CLSPN: variants seen among roughly 807,000 people sequenced by gnomAD.
CLSPN encodes the protein claspin, also known as claspin homolog.
A neutral mutation model predicts 156.3 loss-of-function variants in CLSPN; 85 were observed. That is an observed-to-expected ratio of 0.54 (90% CI 0.46 to 0.65). CLSPN has a LOEUF of 0.65. Ranked by LOEUF, CLSPN falls within the 30% of genes least tolerant of loss-of-function variation. The probability of loss-of-function intolerance (pLI) is 0.00; values close to 1 mark genes in which losing one functional copy is unlikely to be tolerated. For synonymous variants in CLSPN, 534 were observed against 542.4 expected, an observed-to-expected ratio of 0.98 and a Z score of 0.22; for missense variants, 1,407 against 1,554.9, an observed-to-expected ratio of 0.90 and a Z score of 1.60.
chr1:35,763,791 G>T (rs1015806777), intron 3 of CLSPN, among the ~76,000 whole-genome samples: 87 of 140,342 alleles, frequency 6.2e-4, no homozygotes, highest in Non-Finnish European at 1.2e-3. Flanking sequence ...TGTTTTTTTG[G>T]TTTTTGTTTT....
Position 35,764,595 on chromosome 1 carries a change from C to T in CLSPN, c.253G>A (p.Glu85Lys), listed in dbSNP as rs139161179. 2.2e-4 allele frequency: 351 copies of T among 1,613,870 alleles called. No individual in the cohort carries two copies. The highest frequency in any genetic ancestry group is 1.5e-3 in the African/African-American group (111 of 75,030). ...SPEKTTYDSA[E>K]EENKENLYAG... ...TATAAATTCTCTTTATTTTCCTCCT[C>T]GGCACTGTCATAGGTAGTTTTCTCT... Residue 85 changes from glutamate to lysine, a missense_variant, in exon 3 of 25, where the codon GAG becomes AAG. This residue lies in a region of CLSPN where 1,096 missense variants were observed against 1,193.0 expected (regional missense o/e 0.92). Transcript: ENST00000318121.
chr1:35,741,326 C>A (rs56315630), intron 18 of CLSPN, among the ~76,000 whole-genome samples: 14,731 of 151,730 alleles, frequency 0.097, 1,120 homozygotes, highest in African/African-American at 0.22. Context: ...TCTTTTTTTG[C>A]GGGGGTCGGG....
chr1:35,769,948 G>T lies in CLSPN; in HGVS notation c.-78C>A. On this transcript the variant is annotated 5_prime_UTR_variant, in exon 1 of 25. Transcript: ENST00000318121. ...CAGCCGGAGAGCAGCGGCTCCCGCC[G>T]TCTCCAGCCCAGCAGTGCTGTTCTT... The T allele has an allele frequency of 1.3e-6, 2 of 1,553,848 alleles. No individual in the cohort carries two copies. The highest frequency in any genetic ancestry group is 8.8e-7 in the Non-Finnish European group (1 of 1,135,944).
In CLSPN at chr1:35,762,456, C is replaced by T. The variant is rs747941241; in HGVS notation, c.770G>A (p.Gly257Glu). 6.2e-7 allele frequency: 1 copy of T among 1,613,844 alleles called. No individual in the cohort carries two copies. Among genetic ancestry groups the T allele is most frequent in the East Asian group, 2.2e-5 (1 of 44,850 alleles). The change falls in exon 5 of 25, where the codon GGG (glycine) becomes GAG (glutamate). Residue 257 changes from glycine (G) to glutamate (E), a missense_variant. By Grantham distance (98) the Gly-to-Glu change is moderately conservative. Coordinates refer to ENST00000318121, the MANE Select transcript of CLSPN (RefSeq NM_022111.4). ...HKKKEPSLESGVHSFEEGSEL... is the reference protein window; with the variant it reads ...HKKKEPSLESEVHSFEEGSEL... ...ACTTCCTTCCTCAAATGAATGGACC[C>T]CACTCTCCAAAGATGGTTCTTTTTT...
downstream of CLSPN, among the ~76,000 whole-genome samples, chr1:35,731,137 T>C (rs1211195186): frequency 1.3e-5 from 2 of 150,082 alleles, no homozygotes; most frequent in African/African-American, 2.5e-5. Context: ...GAGGCAGAGG[T>C]TGCAGTGAGC....
chr1:35,739,604 A>T, intron 18 of CLSPN, 75 bp from the exon 19 acceptor site: 1 of 1,106,978 alleles, frequency 9.0e-7, no homozygotes, highest in Non-Finnish European at 1.3e-6. Context: ...AGAAAAGCAG[A>T]ACAGAGTCAC....
chr1:35,738,646 CA>C, intron 20 of CLSPN, 64 bp from the exon 21 acceptor site: 1 of 1,539,908 alleles, frequency 6.5e-7, no homozygotes, highest in Non-Finnish European at 8.9e-7. Flanking sequence ...CTTGGACAGA[CA>C]AAAAATAAAC....
rs965283094 is a variant in CLSPN at position 35,734,875 on chromosome 1, A to C, written c.*1621T>G. The C allele has an allele frequency of 1.0e-6, 1 of 985,316 alleles. No homozygotes were observed. The highest frequency in any genetic ancestry group is 1.7e-5 in the African/African-American group (1 of 57,238). The allele number at this position is 985,316 out of a possible 1,614,324, so 61.0% of individuals were successfully genotyped here. On this transcript the variant is annotated 3_prime_UTR_variant, in exon 25 of 25. Coordinates refer to ENST00000318121, the MANE Select transcript of CLSPN (RefSeq NM_022111.4). ...GTATTCACATGGAATGTTTTTCCAA[A>C]GCAGCACTGATGCTCAGTTCTGAGG...
downstream of CLSPN, among the ~76,000 whole-genome samples, chr1:35,729,769 A>G (rs1205558111): frequency 1.3e-5 from 2 of 152,264 alleles, no homozygotes; most frequent in East Asian, 3.9e-4. Context: ...ACTCAGCTCT[A>G]CCCATTCCTC....
At position 35,743,231 on chromosome 1, in the gene CLSPN, C is replaced by T. The variant is rs1166399593; in HGVS notation, c.3053G>A (p.Ser1018Asn). 2.5e-6 allele frequency: 4 copies of T among 1,613,172 alleles called. No homozygotes were observed. The highest frequency in any genetic ancestry group is 3.4e-6 in the Non-Finnish European group (4 of 1,179,122). The change falls in exon 18 of 25, where the codon AGT (serine) becomes AAT (asparagine). Residue 1018 changes from serine to asparagine, a missense_variant. Ser to Asn is a conservative substitution (Grantham distance 46). This residue lies in a region of CLSPN where 1,096 missense variants were observed against 1,193.0 expected (regional missense o/e 0.92). Transcript: ENST00000318121. ...NEFDSDEDEH[S>N]DSGNDLALED... ...CAGTGCCAGATCATTACCAGAGTCA[C>T]TGTGTTCATCCTACAAAATCAGCAT... is the stretch of plus-strand genomic sequence containing the variant.
chr1:35,761,417 A>G (rs1642473397), intron 6 of CLSPN, among the ~76,000 whole-genome samples: 1 of 152,236 alleles, frequency 6.6e-6, no homozygotes, highest in Admixed American at 6.5e-5. Flanking sequence ...GAAGTTTTTT[A>G]GAAATACAGA....
chr1:35,737,308 T>C (rs759508861), intron 23 of CLSPN, 31 bp downstream of exon 23: 3 of 1,571,046 alleles, frequency 1.9e-6, no homozygotes, highest in Non-Finnish European at 2.6e-6. Context: ...CTGTAGACTA[T>C]GATGTCAGAT....
chr1:35,749,792 C>G lies in CLSPN; in HGVS notation c.2048G>C (p.Ser683Thr), dbSNP rs1354240785. ...ATCTTTTGTTTCTATTTCTTCACTACTAAGAAGGAATTCTGCAGTCTTTAC... is the reference window on the plus strand; with the variant it reads ...ATCTTTTGTTTCTATTTCTTCACTAGTAAGAAGGAATTCTGCAGTCTTTAC... The part of the protein sequence containing the change: ...GNQETAEFLL[S>T]SEEIETKDEK... The change falls in exon 11 of 25, where the codon AGT becomes ACT. Residue 683 changes from serine to threonine, a missense_variant. Physicochemically the swap from Ser to Thr is moderately conservative, Grantham distance 58. Around this residue, in one of 3 missense-constraint regions of CLSPN, gnomAD observed 1,096 missense variants for 1,193.0 expected, o/e 0.92. Transcript: ENST00000318121. 5 of 1,613,916 alleles carry G rather than the reference C, an allele frequency of 3.1e-6. No individual in the cohort carries two copies. The highest frequency in any genetic ancestry group is 1.7e-4 in the Middle Eastern group (1 of 6,060).
At chr1:35,757,342 T>C (rs752737121) in intron 8 of CLSPN, among the ~76,000 whole-genome samples, 6 of 152,224 alleles carry the variant, frequency 3.9e-5, no homozygotes, top group Non-Finnish European at 8.8e-5. Flanking sequence ...TAAAAGTTTA[T>C]TGCATGAATG....
intron 1 of CLSPN, among the ~76,000 whole-genome samples, chr1:35,766,086 C>T (rs1171783853): frequency 6.7e-6 from 1 of 150,272 alleles, no homozygotes; most frequent in Non-Finnish European, 1.5e-5. Context: ...CCTCTGCCTC[C>T]TGGGTTCAAG....
Position 35,736,388 on chromosome 1 carries a change from T to A in CLSPN, c.*108A>T. The A allele has an allele frequency of 2.1e-6, 3 of 1,441,416 alleles. No homozygotes were observed. The highest frequency in any genetic ancestry group is 2.7e-6 in the Non-Finnish European group (3 of 1,097,860). The allele number at this position is 1,441,416 out of a possible 1,614,324, so 89.3% of individuals were successfully genotyped here. On this transcript the variant is annotated 3_prime_UTR_variant, in exon 25 of 25. Transcript: ENST00000318121. Reference sequence around the variant, plus strand: ...AATTTCTGTCTGCAATCTTATTGCATTGATTATGAAAGAAGGAAGGATCAT... The same window carrying A: ...AATTTCTGTCTGCAATCTTATTGCAATGATTATGAAAGAAGGAAGGATCAT...
rs768035864 is a variant in CLSPN at position 35,748,449 on chromosome 1, A to G, written c.2428T>C (p.Ser810Pro). The change falls in exon 13 of 25, where the codon TCC becomes CCC. Residue 810 changes from serine to proline, a missense_variant. Transcript: ENST00000318121. Reference protein sequence around the residue: ...FPTAGGFRSPSPGLFRASLVS... With the variant: ...FPTAGGFRSPPPGLFRASLVS... ...AAACTGGCTCGAAATAGCCCAGGGGAAGGAGATCTGAATCCTCCTGCTGTA... is the reference window on the plus strand; with the variant it reads ...AAACTGGCTCGAAATAGCCCAGGGGGAGGAGATCTGAATCCTCCTGCTGTA... 1.2e-6 allele frequency: 2 copies of G among 1,614,084 alleles called. No homozygotes were observed. The highest frequency in any genetic ancestry group is 4.5e-5 in the East Asian group (2 of 44,878).
chr1:35,734,805 C>T lies in CLSPN; in HGVS notation c.*1691G>A, dbSNP rs1307950385. The stretch of plus-strand genomic sequence containing the variant: ...CATCTCCCAGTAAAAAACTGGCACA[C>T]TCTCTTCCAACTGCCCAAGTACAGG... On this transcript the variant is annotated 3_prime_UTR_variant, in exon 25 of 25. Coordinates refer to ENST00000318121, the MANE Select transcript of CLSPN (RefSeq NM_022111.4). 6.1e-6 allele frequency: 6 copies of T among 984,902 alleles called. No individual in the cohort carries two copies. In the African/African-American group the frequency reaches 1.0e-4, roughly 17 times the overall value. The allele number at this position is 984,902 out of a possible 1,614,324, so 61.0% of individuals were successfully genotyped here. A position where few individuals can be genotyped will look rare whatever the true frequency, so the allele number is the denominator to read the frequency against.
At chr1:35,739,975 G>C (rs1641637557) in intron 18 of CLSPN, among the ~76,000 whole-genome samples, 1 of 152,198 alleles carries the variant, frequency 6.6e-6, no homozygotes, top group Non-Finnish European at 1.5e-5. Context: ...TTGAGCCTCA[G>C]AAAGATTACA....
Sources: gnomAD v4.1 joint callset for allele counts (sites outside exome capture counted in the v4.1 genomes callset) on GRCh38, gnomAD v4.1.1 for gene constraint, gnomAD v4.1.1 regional missense constraint, MANE v1.5 for transcripts, NCBI Gene and HGNC (gene_info 2026-07-23, HGNC 2026-07-21) for gene names.